ST6GALNAC3: variants seen among roughly 807,000 people sequenced by gnomAD.
ST6GALNAC3 encodes ST6 N-acetylgalactosaminide alpha-2,6-sialyltransferase 3.
Under a neutral mutation model 32.7 loss-of-function variants are expected in ST6GALNAC3, and 25 were observed. The observed-to-expected ratio is 0.76, with a 90% CI of 0.56 to 1.07. The LOEUF (loss-of-function observed/expected upper bound fraction) is 1.07. Among genes scored for constraint, ST6GALNAC3 ranks in the 50% least tolerant of loss-of-function variants. The pLI, the probability that ST6GALNAC3 is intolerant of heterozygous loss-of-function variation, is 0.00. For missense variants in ST6GALNAC3, 355 were observed against 382.4 expected (o/e 0.93, Z 0.60); for synonymous variants, 129 against 133.1 (o/e 0.97, Z 0.21).
intron 3 of ST6GALNAC3, among the ~76,000 whole-genome samples, chr1:76,464,429 T>A (rs1445446299): frequency 2.0e-5 from 3 of 152,198 alleles, no homozygotes; most frequent in Non-Finnish European, 4.4e-5. Flanking sequence ...GCCTTCATTG[T>A]TAATTACCTA....
At chr1:76,342,904 A>G (rs1648173068) in intron 2 of ST6GALNAC3, among the ~76,000 whole-genome samples, 1 of 151,414 alleles carries the variant, frequency 6.6e-6, no homozygotes, top group African/African-American at 2.4e-5. Flanking sequence ...TTCTTTGCCC[A>G]CTTTTTAATG....
rs1159032340 is a variant in ST6GALNAC3 at position 76,221,457 on chromosome 1, A to T, written c.19-92348A>T. ...GGTTGTGCCAAGGTAGACATTTGAG[A>T]TTACATACCGTAAAATACCGTGGAA... is the stretch of plus-strand genomic sequence containing the variant. On this transcript the variant is annotated intron_variant, in intron 1 of 4. Transcript: ENST00000328299. Among the ~76,000 whole-genome samples the T allele has an allele frequency of 2.0e-5, 3 of 152,044 alleles. No homozygotes were observed. The East Asian group carries it at 5.8e-4, about 29-fold the overall frequency.
At chr1:76,143,827 A>G (rs1650499913) in intron 1 of ST6GALNAC3, among the ~76,000 whole-genome samples, 1 of 152,152 alleles carries the variant, frequency 6.6e-6, no homozygotes, top group East Asian at 1.9e-4. Context: ...GCTGCGGCTT[A>G]TTGAGGCCTC....
chr1:76,572,572 A>G lies in ST6GALNAC3; in HGVS notation c.624-54880A>G, dbSNP rs141097375. ...TTTCTGGGAAGAATTTTGCCAGATC[A>G]CCAGATGCACACAGTTAGCTACTAA... On this transcript the variant is annotated intron_variant, in intron 3 of 4. Transcript: ENST00000328299. Among the ~76,000 whole-genome samples the G allele has an allele frequency of 2.7e-3, 411 of 152,220 alleles. 3 individuals carry two copies. Among genetic ancestry groups the G allele is most frequent in the Middle Eastern group, 0.014 (4 of 294 alleles).
intron 1 of ST6GALNAC3, among the ~76,000 whole-genome samples, chr1:76,163,206 G>A (rs565819512): frequency 6.6e-6 from 1 of 151,580 alleles, no homozygotes; most frequent in East Asian, 1.9e-4. Context: ...TCAACACTTA[G>A]TTATATGATT....
At chr1:76,304,590 T>A (rs1324807959) in intron 1 of ST6GALNAC3, among the ~76,000 whole-genome samples, 1 of 151,994 alleles carries the variant, frequency 6.6e-6, no homozygotes, top group Non-Finnish European at 1.5e-5. Flanking sequence ...GAAGTCCAGC[T>A]TGAAACATGG....
intron 2 of ST6GALNAC3, among the ~76,000 whole-genome samples, chr1:76,383,271 A>T (rs1254870721): frequency 6.6e-6 from 1 of 151,796 alleles, no homozygotes; most frequent in Non-Finnish European, 1.5e-5. Context: ...CTATTTATTT[A>T]TTTTTTTTAA....
chr1:76,184,288 C>T (rs1478576296), intron 1 of ST6GALNAC3, among the ~76,000 whole-genome samples: 5 of 152,062 alleles, frequency 3.3e-5, no homozygotes, highest in South Asian at 2.1e-4. Flanking sequence ...CCTGTAATCC[C>T]AGCACTTTGG....
intron 3 of ST6GALNAC3, among the ~76,000 whole-genome samples, chr1:76,490,507 A>G (rs536525042): frequency 1.3e-5 from 2 of 149,918 alleles, no homozygotes; most frequent in African/African-American, 4.9e-5. Flanking sequence ...TATATTGTAT[A>G]GATAGTGTGT....
chr1:76,149,596 G>A (rs1436825038), intron 1 of ST6GALNAC3, among the ~76,000 whole-genome samples: 2 of 152,280 alleles, frequency 1.3e-5, no homozygotes, highest in East Asian at 3.9e-4. Flanking sequence ...AGCTCACATA[G>A]CTGTCCCTCC....
At chr1:76,571,259 G>C (rs747837949) in intron 3 of ST6GALNAC3, among the ~76,000 whole-genome samples, 1 of 152,018 alleles carries the variant, frequency 6.6e-6, no homozygotes, top group Non-Finnish European at 1.5e-5. Context: ...ATGGCTTCCT[G>C]CAATATTCAA....
In ST6GALNAC3 at chr1:76,431,847, G is replaced by T. The variant is rs533731203; in HGVS notation, c.623+19430G>T. ...CAGTGACACATCATTATCCCCCAGA[G>T]TCCACAGCTTACATTAGGCATCACT... On this transcript the variant is annotated intron_variant, in intron 3 of 4. Transcript: ENST00000328299. Among the ~76,000 whole-genome samples the T allele has an allele frequency of 1.4e-4, 22 of 152,122 alleles. No homozygotes were observed. In the South Asian group the frequency reaches 4.6e-3, roughly 32 times the overall value.
intron 3 of ST6GALNAC3, among the ~76,000 whole-genome samples, chr1:76,461,861 T>C (rs910411757): frequency 1.3e-5 from 2 of 152,130 alleles, no homozygotes; most frequent in African/African-American, 4.8e-5. Context: ...GGGGCTTAAG[T>C]AGTTGTTTGG....
chr1:76,209,483 G>A (rs12563461), intron 1 of ST6GALNAC3, among the ~76,000 whole-genome samples: 77,827 of 152,044 alleles, frequency 0.51, 22,701 homozygotes, highest in East Asian at 0.88. Flanking sequence ...TCCTCACAGG[G>A]GACACCTTTT....
chr1:76,287,470 T>A (rs538502613), intron 1 of ST6GALNAC3, among the ~76,000 whole-genome samples: 2 of 150,758 alleles, frequency 1.3e-5, no homozygotes, highest in South Asian at 4.2e-4. Flanking sequence ...AGTTATTTGG[T>A]CACAGTAAAC....
At chr1:76,585,803 A>G (rs966713263) in intron 3 of ST6GALNAC3, among the ~76,000 whole-genome samples, 3 of 152,106 alleles carry the variant, frequency 2.0e-5, no homozygotes, top group African/African-American at 7.2e-5. Context: ...TCAAATACCC[A>G]GTGGATTTTT....
chr1:76,415,580 C>T (rs969023521), intron 3 of ST6GALNAC3, among the ~76,000 whole-genome samples: 1 of 151,864 alleles, frequency 6.6e-6, no homozygotes, highest in African/African-American at 2.4e-5. Context: ...CTATTTTGGC[C>T]TATGGGAACC....
intron 1 of ST6GALNAC3, among the ~76,000 whole-genome samples, chr1:76,198,213 A>T (rs1033859929): frequency 2.0e-5 from 3 of 152,060 alleles, no homozygotes; most frequent in Non-Finnish European, 4.4e-5. Flanking sequence ...ATTAAAAAAA[A>T]TTAGTAGATA....
Position 76,509,403 on chromosome 1 carries a change from A to G in ST6GALNAC3, c.623+96986A>G, listed in dbSNP as rs1661694861. 6.6e-6 allele frequency among the ~76,000 whole-genome samples: 1 copy of G among 152,184 alleles called. No individual in the cohort carries two copies. The highest frequency in any genetic ancestry group is 2.4e-5 in the African/African-American group (1 of 41,438). On this transcript the variant is annotated intron_variant, in intron 3 of 4. Coordinates refer to ENST00000328299, the MANE Select transcript of ST6GALNAC3 (RefSeq NM_152996.4). This position sits in a 1 kb window ranked among gnomAD's most constrained non-coding sequence, Gnocchi z 5.5. ...AATATTGGGGTTTGGCTGATGCTACAGGATTTTCTTGGTCAGAATCATAAA... is the reference window on the plus strand; with the variant it reads ...AATATTGGGGTTTGGCTGATGCTACGGGATTTTCTTGGTCAGAATCATAAA...
Sources: gnomAD v4.1 joint callset for allele counts (sites outside exome capture counted in the v4.1 genomes callset) on GRCh38, gnomAD v4.1.1 for gene constraint, Gnocchi (gnomAD v3.1) non-coding constraint, MANE v1.5 for transcripts, NCBI Gene and HGNC (gene_info 2026-07-23, HGNC 2026-07-21) for gene names.